Variants in ZZEF1 observed in about 807,000 individuals in gnomAD.
ZZEF1 encodes zinc finger ZZ-type and EF-hand domain containing 1.
Under a neutral mutation model 342.8 loss-of-function variants are expected in ZZEF1, and 157 were observed. The observed-to-expected ratio is 0.46, with a 90% CI of 0.40 to 0.52. ZZEF1 has a LOEUF of 0.52. ZZEF1 is among the 20% of genes least tolerant of loss of function. The pLI is 0.00. For missense variants in ZZEF1, 3,480 were observed against 3,725.6 expected (o/e 0.93, Z 1.72); for synonymous variants, 1,505 against 1,429.1 (o/e 1.05, Z -1.20).
chr17:4,022,915 T>C, intron 43 of ZZEF1, 87 bp from the exon 44 acceptor site: 2 of 1,519,690 alleles, frequency 1.3e-6, no homozygotes, highest in Non-Finnish European at 1.8e-6. Context: ...TCATTCACTC[T>C]TTCATTCATT....
chr17:4,081,324 C>A, intron 18 of ZZEF1, 52 bp downstream of exon 18: 1 of 1,443,346 alleles, frequency 6.9e-7, no homozygotes, highest in South Asian at 1.2e-5. Context: ...TGCCACATCA[C>A]GTGCCCCCAC....
At chr17:4,120,269 A>C (rs2058462040) in intron 2 of ZZEF1, among the ~76,000 whole-genome samples, 1 of 152,010 alleles carries the variant, frequency 6.6e-6, no homozygotes, top group Non-Finnish European at 1.5e-5. Context: ...AGGCAGGAGA[A>C]TTGCTTGAAT....
chr17:4,064,560 C>T lies in ZZEF1; in HGVS notation c.4519G>A (p.Asp1507Asn), dbSNP rs199760515. 3.7e-6 allele frequency: 6 copies of T among 1,614,168 alleles called. No homozygotes were observed. In the Admixed American group the frequency reaches 6.7e-5, roughly 18 times the overall value. ...TCTTCAGCTGTGGCAGGGGACACGT[C>T]TGCAGCAGGAAGGCCACTGCTGGAT... ...LPSSSGLPAA[D>N]VSPATAEEPL... is the part of the protein sequence containing the mutation. The change falls in exon 29 of 55, where the codon GAC (aspartate) becomes AAC (asparagine). Residue 1507 changes from aspartate to asparagine, a missense_variant. Asp to Asn is a conservative substitution (Grantham distance 23). Coordinates refer to ENST00000381638, the MANE Select transcript of ZZEF1 (RefSeq NM_015113.4).
chr17:4,096,518 G>T, intron 10 of ZZEF1, 91 bp downstream of exon 10: 1 of 1,082,742 alleles, frequency 9.2e-7, no homozygotes, highest in Non-Finnish European at 1.4e-6. Flanking sequence ...AACACCTCAT[G>T]TACCCCACAA....
At chr17:4,120,352 G>A (rs12449571) in intron 2 of ZZEF1, among the ~76,000 whole-genome samples, 281 of 149,744 alleles carry the variant, frequency 1.9e-3, no homozygotes, top group East Asian at 5.1e-3. Context: ...GCAAGATTCC[G>A]TCTCAGAAAA....
chr17:4,105,056 C>T (rs543692677), intron 7 of ZZEF1, among the ~76,000 whole-genome samples: 4 of 152,286 alleles, frequency 2.6e-5, no homozygotes, highest in African/African-American at 4.8e-5. Flanking sequence ...AATACCAATA[C>T]GCTACTGTAA....
At chr17:4,112,038 ATATAT>A (rs2058313666) in intron 5 of ZZEF1, among the ~76,000 whole-genome samples, 5 of 4,526 alleles carry the variant, frequency 1.1e-3, no homozygotes, top group African/African-American at 4.8e-3. Flanking sequence ...GTCTAAATAT[ATATAT>A]ATATATATAT....
At chr17:4,050,600 C>A (rs1428876555) in intron 36 of ZZEF1, among the ~76,000 whole-genome samples, 181 bp downstream of exon 36, 1 of 152,160 alleles carries the variant, frequency 6.6e-6, no homozygotes, top group Non-Finnish European at 1.5e-5. Context: ...AACTTCAATG[C>A]CAACATTTCT....
intron 2 of ZZEF1, among the ~76,000 whole-genome samples, chr17:4,119,203 A>G (rs1341131524): frequency 6.6e-6 from 1 of 152,232 alleles, no homozygotes; most frequent in Non-Finnish European, 1.5e-5. Context: ...AGCAGCTACA[A>G]TCGGAGTCAC....
intron 1 of ZZEF1, among the ~76,000 whole-genome samples, chr17:4,132,984 G>C (rs1037111426): frequency 6.6e-6 from 1 of 152,114 alleles, no homozygotes; most frequent in African/African-American, 2.4e-5. Flanking sequence ...AAGTGGAGCA[G>C]GTGGGGGAAG....
intron 25 of ZZEF1, among the ~76,000 whole-genome samples, chr17:4,071,605 A>G (rs2057509847): frequency 6.6e-6 from 1 of 152,220 alleles, no homozygotes; most frequent in African/African-American, 2.4e-5. Flanking sequence ...GATGAACATC[A>G]TGAGGAAGAA....
rs188106450 is a variant in ZZEF1 at position 4,018,059 on chromosome 17, G to A, written c.7506-88C>T. 1.4e-4 allele frequency: 213 copies of A among 1,538,764 alleles called. No individual in the cohort carries two copies. The African/African-American group carries it at 2.5e-3, about 18-fold the overall frequency. On this transcript the variant is annotated intron_variant, in intron 46 of 54. Coordinates refer to ENST00000381638, the MANE Select transcript of ZZEF1 (RefSeq NM_015113.4). The stretch of plus-strand genomic sequence containing the variant: ...TTAAACTTGTTGGCAATGTTCTTCA[G>A]AGTTGTTCTTCTGTTAGTATCAATG...
chr17:4,026,862 A>G (rs2056417815), intron 42 of ZZEF1, among the ~76,000 whole-genome samples: 2 of 152,102 alleles, frequency 1.3e-5, no homozygotes, highest in Admixed American at 6.6e-5. Context: ...TGCTAAGATA[A>G]AACTCAGCTT....
chr17:4,006,793 G>T lies in ZZEF1; in HGVS notation c.*97C>A. ...GGAGTGGTCAGCTCAAGGAGAGCTG[G>T]GCACTGGCGCTACAGGAGTTTTCCT... On this transcript the variant is annotated 3_prime_UTR_variant, in exon 55 of 55. Transcript: ENST00000381638. The T allele has an allele frequency of 7.6e-7, 1 of 1,314,844 alleles. No individual in the cohort carries two copies. 81.4% of individuals were successfully genotyped at this position (1,314,844 alleles called of 1,614,324 possible). A position where few individuals can be genotyped will look rare whatever the true frequency, so the allele number is the denominator to read the frequency against.
chr17:4,110,435 G>C (rs990998806), intron 5 of ZZEF1, among the ~76,000 whole-genome samples: 1 of 152,112 alleles, frequency 6.6e-6, no homozygotes. Context: ...TAACCCACAG[G>C]CCTAACTACT....
At chr17:4,123,080 C>T (rs999381834) in intron 2 of ZZEF1, among the ~76,000 whole-genome samples, 4 of 151,204 alleles carry the variant, frequency 2.6e-5, no homozygotes, top group African/African-American at 4.9e-5. Flanking sequence ...CCACCATGCC[C>T]GGATAATTTT....
At chr17:4,122,169 C>G (rs894883343) in intron 2 of ZZEF1, among the ~76,000 whole-genome samples, 2 of 152,180 alleles carry the variant, frequency 1.3e-5, no homozygotes, top group Admixed American at 6.5e-5. Context: ...CCTAGTGACC[C>G]TAAGTATTAT....
intron 32 of ZZEF1, among the ~76,000 whole-genome samples, chr17:4,057,630 G>GCT (rs1251568126): frequency 6.6e-6 from 1 of 152,198 alleles, no homozygotes; most frequent in Non-Finnish European, 1.5e-5. Context: ...AATTCAGCAA[G>GCT]CTATACTAAG....
chr17:4,046,667 G>A (rs2056921029), intron 37 of ZZEF1, among the ~76,000 whole-genome samples: 1 of 152,166 alleles, frequency 6.6e-6, no homozygotes, highest in Non-Finnish European at 1.5e-5. Flanking sequence ...AGAGCTACTT[G>A]CTTTGTTAAA....
Sources: allele counts gnomAD v4.1 joint callset (sites outside exome capture counted in the v4.1 genomes callset), GRCh38; gene constraint gnomAD v4.1.1; transcripts MANE v1.5; gene names NCBI Gene and HGNC (gene_info 2026-07-23, HGNC 2026-07-21).